Variants in RRM2B observed in about 807,000 individuals in gnomAD.
RRM2B encodes the protein ribonucleotide reductase regulatory TP53 inducible subunit M2B, also known as ribonucleoside-diphosphate reductase subunit M2 B.
In RRM2B, 20 loss-of-function variants were observed where a neutral mutation model predicts 45.9. The ratio of observed to expected loss-of-function variants is 0.44; its 90% CI spans 0.31 to 0.63. The LOEUF is 0.63. Ranked by LOEUF, RRM2B falls within the 30% of genes least tolerant of loss-of-function variation. The probability of loss-of-function intolerance (pLI) is 0.09; values close to 1 mark genes in which losing one functional copy is unlikely to be tolerated. For missense variants in RRM2B, 320 were observed against 414.7 expected (o/e 0.77, Z 1.98); for synonymous variants, 124 against 132.3 (o/e 0.94, Z 0.43).
intron 2 of RRM2B, among the ~76,000 whole-genome samples, chr8:102,231,147 C>A (rs1343136518): frequency 1.3e-5 from 2 of 152,150 alleles, no homozygotes; most frequent in Non-Finnish European, 2.9e-5. Flanking sequence ...AAGATCAAGA[C>A]AATAACTATT....
At chr8:102,218,617 A>G (rs1418603353) in intron 6 of RRM2B, among the ~76,000 whole-genome samples, 197 bp downstream of exon 6, 2 of 151,694 alleles carry the variant, frequency 1.3e-5, no homozygotes, top group Admixed American at 1.3e-4. Flanking sequence ...CCCAGCAACA[A>G]TGGAGGCTGA....
At chr8:102,220,182 T>C (rs557747988) in intron 5 of RRM2B, among the ~76,000 whole-genome samples, 16 of 152,138 alleles carry the variant, frequency 1.1e-4, no homozygotes, top group Non-Finnish European at 2.2e-4. Flanking sequence ...AAGGCTGCAG[T>C]GCGCTATGAT....
chr8:102,211,927 T>A (rs1035374644), intron 8 of RRM2B, among the ~76,000 whole-genome samples: 1 of 152,174 alleles, frequency 6.6e-6, no homozygotes, highest in African/African-American at 2.4e-5. Flanking sequence ...TAGGTAATGA[T>A]TACCACAGCA....
chr8:102,227,300 TA>T (rs896755732), intron 2 of RRM2B, among the ~76,000 whole-genome samples: 4 of 152,218 alleles, frequency 2.6e-5, no homozygotes, highest in African/African-American at 9.6e-5. Context: ...AAAAATTGTT[TA>T]TTTTTTTAAT....
Position 102,207,871 on chromosome 8 carries a change from T to G in RRM2B, c.*262A>C. ...CTGGAGTAAGGGCAGAACCTTAGAC[T>G]CATGTCTGACCCCTCGCCCCATGCT... On this transcript the variant is annotated 3_prime_UTR_variant, in exon 9 of 9. Transcript: ENST00000251810. 2.6e-6 allele frequency: 1 copy of G among 390,216 alleles called. No homozygotes were observed. Among genetic ancestry groups the G allele is most frequent in the Non-Finnish European group, 4.7e-6 (1 of 211,776 alleles). 24.2% of individuals were successfully genotyped at this position (390,216 alleles called of 1,614,324 possible).
intron 4 of RRM2B, among the ~76,000 whole-genome samples, 185 bp from the exon 5 acceptor site, chr8:102,224,325 G>T (rs183523671): frequency 6.6e-6 from 1 of 152,072 alleles, no homozygotes; most frequent in Non-Finnish European, 1.5e-5. Context: ...AGGACGACAG[G>T]TGCCCGCCAC....
In RRM2B at chr8:102,220,913, A is replaced by G. The variant is rs550473616; in HGVS notation, c.551-1966T>C. On this transcript the variant is annotated intron_variant, in intron 5 of 8. Transcript: ENST00000251810. Reference sequence around the variant, plus strand: ...AAGAGGGTTCCGGAACATTTCTCCTAAAAACTATAGTGAATGTAAAGGCCT... The same window carrying G: ...AAGAGGGTTCCGGAACATTTCTCCTGAAAACTATAGTGAATGTAAAGGCCT... Among the ~76,000 whole-genome samples, 8 of 152,302 alleles carry G rather than the reference A, an allele frequency of 5.3e-5. No individual in the cohort carries two copies. In the East Asian group the frequency reaches 1.5e-3, roughly 29 times the overall value.
intron 8 of RRM2B, among the ~76,000 whole-genome samples, chr8:102,211,568 C>T (rs1474204994): frequency 2.6e-5 from 4 of 152,240 alleles, no homozygotes; most frequent in Middle Eastern, 6.8e-3. Flanking sequence ...AGCAGCAGAA[C>T]ATGAACGTGT....
rs575649281 is a variant in RRM2B at position 102,210,996 on chromosome 8, T to G, written c.903+1780A>C. Among the ~76,000 whole-genome samples, 78 of 151,960 alleles carry G rather than the reference T, an allele frequency of 5.1e-4. 1 individual carries two copies. The highest frequency in any genetic ancestry group is 1.9e-3 in the African/African-American group (77 of 41,512). On this transcript the variant is annotated intron_variant, in intron 8 of 8. Coordinates refer to ENST00000251810, the MANE Select transcript of RRM2B (RefSeq NM_015713.5). ...TAAATCTCATTTTAAAGGAGATACA[T>G]GTATATGCAGAGAGAGAGAGAGAGA...
At chr8:102,233,165 G>C (rs904654478) in intron 1 of RRM2B, among the ~76,000 whole-genome samples, 3 of 152,094 alleles carry the variant, frequency 2.0e-5, no homozygotes, top group Non-Finnish European at 4.4e-5. Context: ...ATCCAAAACT[G>C]TCTCTCTCTC....
chr8:102,236,067 G>C (rs1480115197), intron 1 of RRM2B, among the ~76,000 whole-genome samples: 4 of 152,166 alleles, frequency 2.6e-5, no homozygotes, highest in African/African-American at 4.8e-5. Context: ...AGCCAGCTGA[G>C]ATTAAAACAG....
At chr8:102,235,394 C>T (rs149284929) in intron 1 of RRM2B, among the ~76,000 whole-genome samples, 171 of 152,268 alleles carry the variant, frequency 1.1e-3, no homozygotes, top group African/African-American at 3.7e-3. Context: ...GTGCTCAGTA[C>T]CTGGAGAATA....
intron 5 of RRM2B, among the ~76,000 whole-genome samples, chr8:102,221,831 C>T (rs2132552331): frequency 6.6e-6 from 1 of 152,250 alleles, no homozygotes; most frequent in South Asian, 2.1e-4. Context: ...TCACTACCTA[C>T]CCATACTAAT....
At chr8:102,224,425 C>T (rs1226638309) in intron 4 of RRM2B, among the ~76,000 whole-genome samples, 1 of 152,148 alleles carries the variant, frequency 6.6e-6, no homozygotes, top group Non-Finnish European at 1.5e-5. Flanking sequence ...CCACCTGCTT[C>T]GGCCTCCCAA....
chr8:102,211,025 CGAGA>C (rs948497503), intron 8 of RRM2B, among the ~76,000 whole-genome samples: 1 of 149,810 alleles, frequency 6.7e-6, no homozygotes. Context: ...AGAGAGAGAG[CGAGA>C]GAGAAAGGGT....
rs569729024 is a variant in RRM2B, at chr8:102,208,618, A to G, written c.904-333T>C. On this transcript the variant is annotated intron_variant, in intron 8 of 8. Transcript: ENST00000251810. Reference sequence around the variant, plus strand: ...TTGAGATATCCAATACACCATGAGCATTTTTCATAGATATTACTATTAGTC... The same window carrying G: ...TTGAGATATCCAATACACCATGAGCGTTTTTCATAGATATTACTATTAGTC... Among the ~76,000 whole-genome samples the G allele has an allele frequency of 2.0e-4, 30 of 152,334 alleles. 1 individual carries two copies. The highest frequency in any genetic ancestry group is 1.7e-3 in the Admixed American group (26 of 15,290).
chr8:102,238,898 G>C lies in RRM2B; in HGVS notation c.-24C>G, dbSNP rs759180067. ...ATCGCGCAGACTCCGCCGAAGCTAC[G>C]GGCGCTGAGGGAACTGAGCTCCTCA... On this transcript the variant is annotated 5_prime_UTR_variant, in exon 1 of 9. Transcript: ENST00000251810. 3.1e-6 allele frequency: 5 copies of C among 1,607,690 alleles called. No individual in the cohort carries two copies. The highest frequency in any genetic ancestry group is 2.2e-5 in the East Asian group (1 of 44,866).
chr8:102,233,137 T>C (rs551255911), intron 1 of RRM2B, among the ~76,000 whole-genome samples: 4 of 152,186 alleles, frequency 2.6e-5, no homozygotes, highest in Non-Finnish European at 5.9e-5. Context: ...TTAGAACACA[T>C]ACAACTTCTA....
In RRM2B at chr8:102,207,927, G is replaced by T; in HGVS notation, c.*206C>A. ...CCACATAATGCCATCTTTTATTTCAGTGACAAGACAAAAGCATTTAGGTCA... is the reference window on the plus strand; with the variant it reads ...CCACATAATGCCATCTTTTATTTCATTGACAAGACAAAAGCATTTAGGTCA... On this transcript the variant is annotated 3_prime_UTR_variant, in exon 9 of 9. Coordinates refer to ENST00000251810, the MANE Select transcript of RRM2B (RefSeq NM_015713.5). The T allele has an allele frequency of 1.9e-6, 1 of 519,688 alleles. No individual in the cohort carries two copies. Among genetic ancestry groups the T allele is most frequent in the Non-Finnish European group, 3.4e-6 (1 of 291,822 alleles). 32.2% of individuals were successfully genotyped at this position (519,688 alleles called of 1,614,324 possible). A position where few individuals can be genotyped will look rare whatever the true frequency, so the allele number is the denominator to read the frequency against.
Sources: allele counts gnomAD v4.1 joint callset (sites outside exome capture counted in the v4.1 genomes callset), GRCh38; gene constraint gnomAD v4.1.1; transcripts MANE v1.5; gene names NCBI Gene and HGNC (gene_info 2026-07-23, HGNC 2026-07-21).